Variants in PEG3 observed in about 807,000 individuals in gnomAD.
The protein encoded by PEG3 is paternally-expressed gene 3 protein.
Under a neutral mutation model 35.5 loss-of-function variants are expected in PEG3, and 23 were observed. The observed-to-expected ratio is 0.65, with a 90% confidence interval of 0.47 to 0.92. The LOEUF (loss-of-function observed/expected upper bound fraction) is 0.92, where lower values mean the gene tolerates loss of function less well. PEG3 is among the 40% of genes least tolerant of loss of function. The probability of loss-of-function intolerance (pLI) is 0.00; values close to 1 mark genes in which losing one functional copy is unlikely to be tolerated. For missense variants in PEG3, 1,960 were observed against 1,985.3 expected, an observed-to-expected ratio of 0.99 and a Z score of 0.24; for synonymous variants, 707 against 697.0, an observed-to-expected ratio of 1.01 and a Z score of -0.23.
chr19:56,822,904 C>T (rs990384001), intron 5 of PEG3, 68 bp from the exon 6 acceptor site: 2 of 1,557,562 alleles, frequency 1.3e-6, no homozygotes, highest in Non-Finnish European at 1.7e-6. Flanking sequence ...TGCATGTGCA[C>T]AAACACCCCT....
At chr19:56,829,154 C>A (rs551638987) in intron 2 of PEG3, among the ~76,000 whole-genome samples, 4 of 152,028 alleles carry the variant, frequency 2.6e-5, no homozygotes, top group Non-Finnish European at 5.9e-5. Context: ...AGTTCGAGAC[C>A]AGCCTGGCCA....
chr19:56,832,341 GT>G lies in PEG3; in HGVS notation c.-163+3676del, dbSNP rs534668539. Among the ~76,000 whole-genome samples the G allele has an allele frequency of 1.6e-4, 24 of 152,134 alleles. No individual in the cohort carries two copies. In the East Asian group the frequency reaches 4.6e-3, roughly 29 times the overall value. On this transcript the variant is annotated intron_variant, in intron 2 of 9. Transcript: ENST00000326441. ...GCACTCCCACCGACAGTACCCTGTG[GT>G]CACCATCTGTACCTCCCCTCTCCAG...
intron 2 of PEG3, among the ~76,000 whole-genome samples, chr19:56,830,999 A>G (rs952264365): frequency 1.3e-5 from 2 of 152,234 alleles, no homozygotes; most frequent in Non-Finnish European, 2.9e-5. Context: ...TCTGAAATAA[A>G]TACATAAAGA....
chr19:56,819,917 G>A (rs1033275861), intron 7 of PEG3, among the ~76,000 whole-genome samples: 1 of 152,156 alleles, frequency 6.6e-6, no homozygotes, highest in Non-Finnish European at 1.5e-5. Flanking sequence ...GGGTTTAAGA[G>A]GGAAGCCTTA....
intron 1 of PEG3, among the ~76,000 whole-genome samples, chr19:56,839,273 C>T (rs2062652116): frequency 6.6e-6 from 1 of 151,676 alleles, no homozygotes; most frequent in South Asian, 2.1e-4. Context: ...TCAAACATGG[C>T]ATCTAGGTGG....
chr19:56,839,780 G>A (rs906615089), intron 1 of PEG3, among the ~76,000 whole-genome samples: 2 of 151,514 alleles, frequency 1.3e-5, no homozygotes, highest in Admixed American at 6.6e-5. Context: ...CAGCGCCTGC[G>A]CGGCAAACCT....
chr19:56,812,930 A>G lies in PEG3; in HGVS notation c.*745T>C. On this transcript the variant is annotated 3_prime_UTR_variant, in exon 10 of 10. Transcript: ENST00000326441. ...TCTGGGTCACAAAAAGCCAATCCGT[A>G]TATTGTAAAGCCTTACACAGTATTA... The G allele has an allele frequency of 2.0e-6, 2 of 985,786 alleles. No homozygotes were observed. Among genetic ancestry groups the G allele is most frequent in the Non-Finnish European group, 2.4e-6 (2 of 829,888 alleles). The allele number at this position is 985,786 out of a possible 1,614,324, so 61.1% of individuals were successfully genotyped here.
In PEG3 at chr19:56,813,264, A is replaced by T. The variant is rs144170438; in HGVS notation, c.*411T>A. 1.8e-5 allele frequency: 17 copies of T among 964,908 alleles called. No individual in the cohort carries two copies. Among genetic ancestry groups the T allele is most frequent in the Non-Finnish European group, 4.9e-6 (4 of 808,664 alleles). The allele number at this position is 964,908 out of a possible 1,614,324, so 59.8% of individuals were successfully genotyped here. On this transcript the variant is annotated 3_prime_UTR_variant, in exon 10 of 10. Coordinates refer to ENST00000326441, the MANE Select transcript of PEG3 (RefSeq NM_006210.3). ...CCTCTGCAGAGTAAACTGTAACTGTATATCATATAAATCCAAATATATGTG... is the reference window on the plus strand; with the variant it reads ...CCTCTGCAGAGTAAACTGTAACTGTTTATCATATAAATCCAAATATATGTG...
intron 2 of PEG3, among the ~76,000 whole-genome samples, chr19:56,829,669 C>T (rs550683552): frequency 5.0e-4 from 76 of 152,200 alleles, no homozygotes; most frequent in Non-Finnish European, 7.5e-4. Context: ...CCTTCCTGGC[C>T]GAGTGGCCCA....
At position 56,810,092 on chromosome 19, in the gene PEG3, A is replaced by G; in HGVS notation, c.*3583T>C. The stretch of plus-strand genomic sequence containing the variant: ...AGAGACTGAGAAATATTTATTTTTA[A>G]CTTTATTTTTATTGTTGACACTATT... On this transcript the variant is annotated 3_prime_UTR_variant, in exon 10 of 10. Transcript: ENST00000326441. The G allele has an allele frequency of 1.2e-6, 1 of 862,126 alleles. No individual in the cohort carries two copies. The highest frequency in any genetic ancestry group is 1.4e-6 in the Non-Finnish European group (1 of 717,604). The allele number at this position is 862,126 out of a possible 1,614,324, so 53.4% of individuals were successfully genotyped here. A position where few individuals can be genotyped will look rare whatever the true frequency, so the allele number is the denominator to read the frequency against.
chr19:56,823,816 A>C, intron 4 of PEG3, 137 bp from the exon 5 acceptor site: 1 of 1,032,998 alleles, frequency 9.7e-7, no homozygotes, highest in Non-Finnish European at 1.5e-6. Context: ...CTGAGTTCAA[A>C]ACCCTTCAGC....
In PEG3 at chr19:56,816,428, G is replaced by A. The variant is rs1224713489; in HGVS notation, c.2014C>T (p.Leu672Phe). ...TTGTAAGTTTTCTGACGCCTTTTAA[G>A]GGACTGACCAGGAATAAAGGTTTCC... Reference protein sequence around the residue: ...CEETFIPGQSLKRRQKTYNKE... With the variant: ...CEETFIPGQSFKRRQKTYNKE... Residue 672 changes from leucine (L) to phenylalanine (F), a missense_variant, in exon 10 of 10, where the codon CTT becomes TTT. Transcript: ENST00000326441. 3 of 1,614,004 alleles carry A rather than the reference G, an allele frequency of 1.9e-6. No individual in the cohort carries two copies. The highest frequency in any genetic ancestry group is 2.2e-5 in the South Asian group (2 of 91,074).
chr19:56,812,023 A>G lies in PEG3; in HGVS notation c.*1652T>C, dbSNP rs988371916. 14 of 984,752 alleles carry G rather than the reference A, an allele frequency of 1.4e-5. No individual in the cohort carries two copies. The highest frequency in any genetic ancestry group is 1.6e-5 in the Non-Finnish European group (13 of 829,420). 61.0% of individuals were successfully genotyped at this position (984,752 alleles called of 1,614,324 possible). On this transcript the variant is annotated 3_prime_UTR_variant, in exon 10 of 10. Coordinates refer to ENST00000326441, the MANE Select transcript of PEG3 (RefSeq NM_006210.3). ...ACATACTTCCAAGCCCTAATCCTGCAGATCCAGAAGAGTAAGATTCAGACA... is the reference window on the plus strand; with the variant it reads ...ACATACTTCCAAGCCCTAATCCTGCGGATCCAGAAGAGTAAGATTCAGACA...
Position 56,817,729 on chromosome 19 carries a change from AT to A in PEG3, c.862+16del. On this transcript the variant is annotated intron_variant, in intron 9 of 9. Coordinates refer to ENST00000326441, the MANE Select transcript of PEG3 (RefSeq NM_006210.3). Reference sequence around the variant, plus strand: ...ACTGGTTGTGTGGCTCCTCTGTGGGATGTGCCTCCTGCTTACCTCGACTGGT... The same window carrying A: ...ACTGGTTGTGTGGCTCCTCTGTGGGAGTGCCTCCTGCTTACCTCGACTGGT... 6.2e-7 allele frequency: 1 copy of A among 1,608,474 alleles called. No individual in the cohort carries two copies. The highest frequency in any genetic ancestry group is 8.5e-7 in the Non-Finnish European group (1 of 1,174,914).
rs1256610738 is a variant in PEG3 at position 56,811,727 on chromosome 19, C to T, written c.*1948G>A. On this transcript the variant is annotated 3_prime_UTR_variant, in exon 10 of 10. Transcript: ENST00000326441. ...ACTGCCCCTCAGCTTTCCCGATGTC[C>T]GTTCCAACCTCAGTCCTTCCTATGC... The T allele has an allele frequency of 1.7e-5, 17 of 985,562 alleles. No individual in the cohort carries two copies. Among genetic ancestry groups the T allele is most frequent in the African/African-American group, 3.5e-5 (2 of 57,344 alleles). 61.1% of individuals were successfully genotyped at this position (985,562 alleles called of 1,614,324 possible). A position where few individuals can be genotyped will look rare whatever the true frequency, so the allele number is the denominator to read the frequency against.
At chr19:56,837,290 T>G (rs943612586) in intron 1 of PEG3, among the ~76,000 whole-genome samples, 1 of 151,916 alleles carries the variant, frequency 6.6e-6, no homozygotes, top group African/African-American at 2.4e-5. Context: ...AGCCTCCTAG[T>G]TCCCATGCAC....
Position 56,815,262 on chromosome 19 carries a change from G to A in PEG3, c.3180C>T (p.Gly1060=), listed in dbSNP as rs2059867997. 3.1e-6 allele frequency: 5 copies of A among 1,614,170 alleles called. No individual in the cohort carries two copies. The highest frequency in any genetic ancestry group is 3.3e-4 in the Middle Eastern group (2 of 6,062). ...QKIYDQEKSH[G]EESQGENTDG... ...CAGTATTCTCGCCTTGAGACTCCTC[G>A]CCATGAGACTTCTCTTGGTCATAGA... The change falls in exon 10 of 10, where the codon GGC becomes GGT. Residue 1060 remains glycine (G), a synonymous_variant. Transcript: ENST00000326441.
At chr19:56,818,411 G>A (rs555653330) in intron 8 of PEG3, among the ~76,000 whole-genome samples, 189 bp downstream of exon 8, 62 of 152,304 alleles carry the variant, frequency 4.1e-4, no homozygotes, top group Non-Finnish European at 6.8e-4. Context: ...TTTACCCAAA[G>A]CCAGAGGCAT....
rs377656551 is a variant in PEG3 at position 56,824,248 on chromosome 19, G to C, written c.394+14C>G. On this transcript the variant is annotated intron_variant, in intron 4 of 9. Coordinates refer to ENST00000326441, the MANE Select transcript of PEG3 (RefSeq NM_006210.3). ...GGCCTGCACTGACCACCAACACCCC[G>C]TGGAGACTCTCACCTTCTGGTTGGT... 7.1e-5 allele frequency: 114 copies of C among 1,611,354 alleles called. No individual in the cohort carries two copies. Among genetic ancestry groups the C allele is most frequent in the Non-Finnish European group, 1.7e-5 (20 of 1,178,602 alleles).
Sources: gnomAD v4.1 joint callset for allele counts (sites outside exome capture counted in the v4.1 genomes callset) on GRCh38, gnomAD v4.1.1 for gene constraint, MANE v1.5 for transcripts, NCBI Gene and HGNC (gene_info 2026-07-23, HGNC 2026-07-21) for gene names.